The following TMEM242 variants were observed in gnomAD, a reference collection of about 807,000 sequenced individuals.
TMEM242 encodes UPF0463 transmembrane protein C6orf35.
In TMEM242, 10 loss-of-function variants were observed where a neutral mutation model predicts 18.2. The ratio of observed to expected loss-of-function variants is 0.55; its 90% confidence interval spans 0.34 to 0.93. The LOEUF is 0.93. Among genes scored for constraint, TMEM242 ranks in the 40% least tolerant of loss-of-function variants. The pLI is 0.02. For missense variants in TMEM242, 186 were observed against 175.5 expected (o/e 1.06, Z -0.34); for synonymous variants, 57 against 69.9 (o/e 0.81, Z 0.92).
chr6:157,310,638 C>G (rs1778004303), intron 3 of TMEM242, among the ~76,000 whole-genome samples: 1 of 151,992 alleles, frequency 6.6e-6, no homozygotes, highest in African/African-American at 2.4e-5. Context: ...ATCATAGTGT[C>G]CCAGTGTTCG....
rs587702577 is a variant in TMEM242 at position 157,291,940 on chromosome 6, A to C, written c.*961T>G. 1 of 152,336 alleles carries C rather than the reference A, an allele frequency of 6.6e-6. No homozygotes were observed. Among genetic ancestry groups the C allele is most frequent in the East Asian group, 1.9e-4 (1 of 5,194 alleles). 9.4% of individuals were successfully genotyped at this position (152,336 alleles called of 1,614,324 possible). A position where few individuals can be genotyped will look rare whatever the true frequency, so the allele number is the denominator to read the frequency against. The stretch of plus-strand genomic sequence containing the variant: ...ATTTTAAAATACAATTGCAGTAAAA[A>C]CAATTGCATGTAGACATTATTCTCC... On this transcript the variant is annotated 3_prime_UTR_variant, in exon 4 of 4. Transcript: ENST00000400788.
chr6:157,290,656 T>G lies in TMEM242; in HGVS notation c.*2245A>C, dbSNP rs782798995. On this transcript the variant is annotated 3_prime_UTR_variant, in exon 4 of 4. Coordinates refer to ENST00000400788, the MANE Select transcript of TMEM242 (RefSeq NM_018452.6). ...AAAGGAATAGACAAATGACGAAATC[T>G]ACTGATATTCAAGTTCTGACTGTGA... 1 of 152,240 alleles carries G rather than the reference T, an allele frequency of 6.6e-6. No homozygotes were observed. Among genetic ancestry groups the G allele is most frequent in the Non-Finnish European group, 1.5e-5 (1 of 68,044 alleles). The allele number at this position is 152,240 out of a possible 1,614,324, so 9.4% of individuals were successfully genotyped here.
At position 157,289,506 on chromosome 6, in the gene TMEM242, C is replaced by T. The variant is rs587740751; in HGVS notation, c.*3395G>A. 5.9e-5 allele frequency: 9 copies of T among 152,130 alleles called. No individual in the cohort carries two copies. Among genetic ancestry groups the T allele is most frequent in the Admixed American group, 3.9e-4 (6 of 15,284 alleles). The allele number at this position is 152,130 out of a possible 1,614,324, so 9.4% of individuals were successfully genotyped here. ...GAAATTTAACTATTTGATGAAATGC[C>T]TTTGTATGTTACCTGATTTTCATTT... is the stretch of plus-strand genomic sequence containing the variant. On this transcript the variant is annotated 3_prime_UTR_variant, in exon 4 of 4. Transcript: ENST00000400788.
At chr6:157,314,496 A>G (rs1461709404) in intron 3 of TMEM242, among the ~76,000 whole-genome samples, 1 of 152,268 alleles carries the variant, frequency 6.6e-6, no homozygotes, top group Admixed American at 6.5e-5. Context: ...ATAATAAAAT[A>G]CCATAGTTGA....
Position 157,292,862 on chromosome 6 carries a change from T to C in TMEM242, c.*39A>G, listed in dbSNP as rs1258640437. 4 of 1,540,146 alleles carry C rather than the reference T, an allele frequency of 2.6e-6. No homozygotes were observed. In the Admixed American group the frequency reaches 6.7e-5, roughly 26 times the overall value. On this transcript the variant is annotated 3_prime_UTR_variant, in exon 4 of 4. Transcript: ENST00000400788. ...GTCATGGTGTCTCCAGAGCCACCCC[T>C]TTCTGTAACAAGCATTTTGAAATTC... is the stretch of plus-strand genomic sequence containing the variant.
At chr6:157,311,154 CTAG>C (rs1778054717) in intron 3 of TMEM242, among the ~76,000 whole-genome samples, 1 of 62,338 alleles carries the variant, frequency 1.6e-5, no homozygotes, top group African/African-American at 5.9e-5. Flanking sequence ...GTGCACTCAC[CTAG>C]CCCCATCATA....
At chr6:157,293,169 T>G (rs1354715699) in intron 3 of TMEM242, among the ~76,000 whole-genome samples, 170 bp from the exon 4 acceptor site, 1 of 151,972 alleles carries the variant, frequency 6.6e-6, no homozygotes, top group Non-Finnish European at 1.5e-5. Flanking sequence ...TGAAAGAAAA[T>G]GAAATATACT....
intron 3 of TMEM242, among the ~76,000 whole-genome samples, chr6:157,300,892 C>T (rs954093983): frequency 6.6e-6 from 1 of 152,158 alleles, no homozygotes; most frequent in Admixed American, 6.6e-5. Context: ...CTTAAAATGG[C>T]AAGTTTCAAC....
chr6:157,305,844 T>C lies in TMEM242; in HGVS notation c.328-12845A>G, dbSNP rs904602318. On this transcript the variant is annotated intron_variant, in intron 3 of 3. Coordinates refer to ENST00000400788, the MANE Select transcript of TMEM242 (RefSeq NM_018452.6). This position sits in a 1 kb window ranked among gnomAD's most constrained non-coding sequence, Gnocchi z 4.1. The stretch of plus-strand genomic sequence containing the variant: ...ACAAGGAGGGCACTGGCAACCTTAA[T>C]AGCAGTTCCAGTGCAGCGCTGGGGC... 1.6e-4 allele frequency among the ~76,000 whole-genome samples: 24 copies of C among 152,106 alleles called. No individual in the cohort carries two copies. The highest frequency in any genetic ancestry group is 5.8e-4 in the African/African-American group (24 of 41,420).
intron 3 of TMEM242, among the ~76,000 whole-genome samples, chr6:157,315,854 T>C (rs919896692): frequency 2.6e-5 from 4 of 152,200 alleles, no homozygotes; most frequent in Admixed American, 1.3e-4. Context: ...GAACCTCTGA[T>C]TAAATGATAT....
At position 157,292,947 on chromosome 6, in the gene TMEM242, T is replaced by G; in HGVS notation, c.380A>C (p.Asn127Thr). 1 of 1,613,738 alleles carries G rather than the reference T, an allele frequency of 6.2e-7. No homozygotes were observed. Among genetic ancestry groups the G allele is most frequent in the Non-Finnish European group, 8.5e-7 (1 of 1,179,746 alleles). ...CTCCCACTCAACAGCCGATTCGGAGTTCTTGGGAATTGTTGGAAATATTGA... is the reference window on the plus strand; with the variant it reads ...CTCCCACTCAACAGCCGATTCGGAGGTCTTGGGAATTGTTGGAAATATTGA... ...MQSIFPTIPKNSESAVEWEET... is the reference protein window; with the variant it reads ...MQSIFPTIPKTSESAVEWEET... Residue 127 changes from asparagine to threonine, a missense_variant, in exon 4 of 4, where the codon AAC becomes ACC. By Grantham distance (65) the Asn-to-Thr change is moderately conservative (BLOSUM62 0). Transcript: ENST00000400788.
At chr6:157,313,263 C>T (rs1554249677) in intron 3 of TMEM242, among the ~76,000 whole-genome samples, 2 of 147,974 alleles carry the variant, frequency 1.4e-5, no homozygotes, top group Non-Finnish European at 3.0e-5. Context: ...CACCTGGCCT[C>T]ATCATAGTGT....
intron 3 of TMEM242, among the ~76,000 whole-genome samples, chr6:157,310,680 G>A: frequency 6.6e-6 from 1 of 151,038 alleles, no homozygotes; most frequent in Admixed American, 6.6e-5. Context: ...GTCCCAGTGT[G>A]CGCTCACCTA....
At chr6:157,310,566 G>C (rs1554248326) in intron 3 of TMEM242, among the ~76,000 whole-genome samples, 2 of 145,536 alleles carry the variant, frequency 1.4e-5, no homozygotes, top group East Asian at 1.9e-4. Flanking sequence ...CCTCATCATA[G>C]TGCCCCAGTG....
intron 2 of TMEM242, among the ~76,000 whole-genome samples, chr6:157,321,672 A>G (rs912151095): frequency 6.6e-6 from 1 of 152,236 alleles, no homozygotes; most frequent in Non-Finnish European, 1.5e-5. Context: ...ATCAAATCTC[A>G]GAATAACAAA....
At position 157,290,314 on chromosome 6, in the gene TMEM242, C is replaced by A. The variant is rs1482242361; in HGVS notation, c.*2587G>T. ...CCTTTAAAGCATTTCTAGTGCTCAG[C>A]CTCCATGAAATGGATTGCTTATAGG... On this transcript the variant is annotated 3_prime_UTR_variant, in exon 4 of 4. Transcript: ENST00000400788. The A allele has an allele frequency of 1.3e-5, 2 of 152,156 alleles. No individual in the cohort carries two copies. Among genetic ancestry groups the A allele is most frequent in the Admixed American group, 1.3e-4 (2 of 15,278 alleles). The allele number at this position is 152,156 out of a possible 1,614,324, so 9.4% of individuals were successfully genotyped here.
At chr6:157,311,360 AGC>A (rs1778078558) in intron 3 of TMEM242, among the ~76,000 whole-genome samples, 1 of 35,912 alleles carries the variant, frequency 2.8e-5, no homozygotes, top group Non-Finnish European at 5.7e-5. Context: ...GCGCTCACCT[AGC>A]CTCATCATAG....
At chr6:157,312,278 A>G (rs1219967846) in intron 3 of TMEM242, among the ~76,000 whole-genome samples, 18 of 149,818 alleles carry the variant, frequency 1.2e-4, no homozygotes, top group Admixed American at 4.0e-4. Context: ...GCACTCACCT[A>G]GCCTCAACAT....
chr6:157,294,349 T>C (rs1777722360), intron 3 of TMEM242, among the ~76,000 whole-genome samples: 1 of 134,080 alleles, frequency 7.5e-6, no homozygotes, highest in African/African-American at 2.7e-5. Context: ...AGTCATTTCT[T>C]TTTTTTTTTT....
Sources: allele counts gnomAD v4.1 joint callset (sites outside exome capture counted in the v4.1 genomes callset), GRCh38; gene constraint gnomAD v4.1.1; non-coding constraint Gnocchi (gnomAD v3.1); transcripts MANE v1.5; gene names NCBI Gene and HGNC (gene_info 2026-07-23, HGNC 2026-07-21).